The following SYCP1 variants were observed in gnomAD, a reference collection of about 807,000 sequenced individuals.
SYCP1 encodes the protein cancer/testis antigen 8.
In SYCP1, 64 loss-of-function variants were observed where a neutral mutation model predicts 153.1. The ratio of observed to expected loss-of-function variants is 0.42; its 90% confidence interval spans 0.34 to 0.51. The LOEUF (loss-of-function observed/expected upper bound fraction) is 0.51. Among genes scored for constraint, SYCP1 ranks in the 20% least tolerant of loss-of-function variants. The pLI is 0.06. For missense variants in SYCP1, 997 were observed against 1,049.0 expected, an observed-to-expected ratio of 0.95 and a Z score of 0.68; for synonymous variants, 384 against 341.8, an observed-to-expected ratio of 1.12 and a Z score of -1.36.
At chr1:114,910,083 T>C (rs955494019) in intron 16 of SYCP1, 3 of 164,764 alleles carry the variant, frequency 1.8e-5, no homozygotes, top group Admixed American at 1.3e-4. Flanking sequence ...AAAATCATTG[T>C]GATGTCATGC....
intron 16 of SYCP1, 182 bp from the exon 17 acceptor site, chr1:114,910,215 A>C: frequency 2.4e-6 from 1 of 422,708 alleles, no homozygotes; most frequent in Non-Finnish European, 4.4e-6. Context: ...GGCTGTGTCT[A>C]CTGAATTGTC....
At chr1:114,929,506 A>G (rs1365905929) in intron 23 of SYCP1, among the ~76,000 whole-genome samples, 1 of 152,100 alleles carries the variant, frequency 6.6e-6, no homozygotes, top group African/African-American at 2.4e-5. Flanking sequence ...AAAAAGATGA[A>G]GGAAAGAAAT....
In SYCP1 at chr1:114,995,159, A is replaced by G; in HGVS notation, c.*140A>G. ...GCATGAATGATTTGTGTTTCTTTAT[A>G]TTTTTAGCCTAAATGTTAACTACAT... On this transcript the variant is annotated 3_prime_UTR_variant, in exon 32 of 32. Transcript: ENST00000369522. 1.2e-6 allele frequency: 1 copy of G among 829,732 alleles called. No individual in the cohort carries two copies. The highest frequency in any genetic ancestry group is 2.8e-5 in the East Asian group (1 of 35,642). The allele number at this position is 829,732 out of a possible 1,614,324, so 51.4% of individuals were successfully genotyped here.
intron 18 of SYCP1, among the ~76,000 whole-genome samples, chr1:114,912,552 T>C (rs360660): frequency 0.52 from 78,720 of 151,740 alleles, 21,891 homozygotes; most frequent in Non-Finnish European, 0.63. Context: ...AAAAGTTAAA[T>C]TCAGTTTTTT....
In SYCP1 at chr1:114,942,690, T is replaced by G. The variant is rs536077211; in HGVS notation, c.1927-1649T>G. 3.3e-5 allele frequency among the ~76,000 whole-genome samples: 5 copies of G among 152,066 alleles called. No individual in the cohort carries two copies. The South Asian group carries it at 1.0e-3, about 32-fold the overall frequency. On this transcript the variant is annotated intron_variant, in intron 23 of 31. Coordinates refer to ENST00000369522, the MANE Select transcript of SYCP1 (RefSeq NM_003176.4). ...CATACAAACACAAATTCCTTAAGGA[T>G]ATAAATAAATGTGAAGGGCAGGGCT...
intron 16 of SYCP1, among the ~76,000 whole-genome samples, chr1:114,906,933 A>C (rs543225506): frequency 6.6e-6 from 1 of 152,250 alleles, no homozygotes; most frequent in African/African-American, 2.4e-5. Context: ...GAAGAGTTAA[A>C]ACTAGTAGGA....
intron 15 of SYCP1, among the ~76,000 whole-genome samples, chr1:114,890,498 G>T (rs1402930416): frequency 6.6e-6 from 1 of 152,042 alleles, no homozygotes; most frequent in East Asian, 1.9e-4. Flanking sequence ...ATGGAGGTAT[G>T]TTAATACTGA....
At chr1:114,965,955 T>C (rs1672101706) in intron 27 of SYCP1, among the ~76,000 whole-genome samples, 1 of 152,196 alleles carries the variant, frequency 6.6e-6, no homozygotes, top group Non-Finnish European at 1.5e-5. Flanking sequence ...AGAATTTGGC[T>C]GTGAACCCAT....
chr1:114,976,001 T>G (rs1453360640), intron 27 of SYCP1, among the ~76,000 whole-genome samples: 1 of 151,792 alleles, frequency 6.6e-6, no homozygotes. Context: ...TGAAGTAGAC[T>G]CTGATAAAAT....
intron 8 of SYCP1, among the ~76,000 whole-genome samples, chr1:114,866,752 G>T (rs1347336517): frequency 1.3e-5 from 2 of 149,556 alleles, no homozygotes; most frequent in Non-Finnish European, 3.0e-5. Context: ...TTCATGGATT[G>T]TATCTAAAAA....
intron 27 of SYCP1, among the ~76,000 whole-genome samples, chr1:114,969,086 C>G (rs1257859928): frequency 6.6e-6 from 1 of 152,142 alleles, no homozygotes; most frequent in African/African-American, 2.4e-5. Context: ...CAGATACCAG[C>G]TGGAGTCTTC....
At chr1:114,970,674 A>G (rs986997234) in intron 27 of SYCP1, among the ~76,000 whole-genome samples, 1 of 151,912 alleles carries the variant, frequency 6.6e-6, no homozygotes, top group African/African-American at 2.4e-5. Flanking sequence ...AGTGATTGTT[A>G]TTGCTCTTCT....
At chr1:114,978,432 G>A (rs1224666368) in intron 28 of SYCP1, among the ~76,000 whole-genome samples, 1 of 151,562 alleles carries the variant, frequency 6.6e-6, no homozygotes, top group Admixed American at 6.6e-5. Context: ...TAAGGAATCA[G>A]GAAGAGGTTT....
At chr1:114,987,595 T>C (rs934581465) in intron 30 of SYCP1, among the ~76,000 whole-genome samples, 3 of 151,840 alleles carry the variant, frequency 2.0e-5, no homozygotes, top group Middle Eastern at 3.4e-3. Flanking sequence ...AGCCCAGGAG[T>C]TCAAAGTTAT....
chr1:114,923,178 T>C (rs1482938538), intron 20 of SYCP1, among the ~76,000 whole-genome samples: 1 of 152,238 alleles, frequency 6.6e-6, no homozygotes. Flanking sequence ...GAATTTATGA[T>C]ATAGTGTTTG....
chr1:114,895,375 G>A, intron 15 of SYCP1, 73 bp from the exon 16 acceptor site: 2 of 1,007,126 alleles, frequency 2.0e-6, no homozygotes, highest in South Asian at 1.8e-5. Context: ...GTAGTATTAT[G>A]CTTGTTCCTT....
Position 114,984,677 on chromosome 1 carries a change from G to C in SYCP1, c.2560-48G>C, listed in dbSNP as rs369270093. 8.8e-6 allele frequency: 11 copies of C among 1,250,870 alleles called. No homozygotes were observed. In the African/African-American group the frequency reaches 1.7e-4, roughly 19 times the overall value. The allele number at this position is 1,250,870 out of a possible 1,614,324, so 77.5% of individuals were successfully genotyped here. On this transcript the variant is annotated intron_variant, in intron 29 of 31. Transcript: ENST00000369522. ...ATTTGTGAAACCCTTTATTAATAAT[G>C]CATATTTTATTTGATATGATAATGT...
At chr1:114,876,256 T>G (rs991603049) in intron 10 of SYCP1, 118 bp downstream of exon 10, 4 of 569,844 alleles carry the variant, frequency 7.0e-6, no homozygotes, top group African/African-American at 3.9e-5. Context: ...TTCTATTTTA[T>G]TTATTTCTGT....
intron 23 of SYCP1, 39 bp from the exon 24 acceptor site, chr1:114,944,300 G>A (rs776038193): frequency 1.8e-6 from 2 of 1,132,586 alleles, no homozygotes; most frequent in South Asian, 2.7e-5. Flanking sequence ...GTAATCCATA[G>A]CATTTACTAA....
Sources: gnomAD v4.1 joint callset for allele counts (sites outside exome capture counted in the v4.1 genomes callset) on GRCh38, gnomAD v4.1.1 for gene constraint, MANE v1.5 for transcripts, NCBI Gene and HGNC (gene_info 2026-07-23, HGNC 2026-07-21) for gene names.